The following RNF150 variants were observed in gnomAD, a reference collection of about 807,000 sequenced individuals.
RNF150 encodes the protein ring finger protein 150.
RNF150 carries 24 observed loss-of-function variants against 39.3 expected under a neutral mutation model. The observed-to-expected ratio is 0.61, with a 90% CI of 0.44 to 0.86. RNF150 has a LOEUF of 0.86. Among genes scored for constraint, RNF150 ranks in the 40% least tolerant of loss-of-function variants. The pLI, the probability that RNF150 is intolerant of heterozygous loss-of-function variation, is 0.00. For synonymous variants in RNF150, 255 were observed against 227.3 expected, an observed-to-expected ratio of 1.12 and a Z score of -1.10; for missense variants, 502 against 587.8, an observed-to-expected ratio of 0.85 and a Z score of 1.51.
At chr4:140,940,852 G>A (rs1431795694) in intron 4 of RNF150, among the ~76,000 whole-genome samples, 2 of 152,316 alleles carry the variant, frequency 1.3e-5, no homozygotes, top group East Asian at 1.9e-4. Context: ...CTGCCTATGG[G>A]ATAGCCCTGC....
At chr4:140,929,185 A>G (rs2111328944) in intron 4 of RNF150, among the ~76,000 whole-genome samples, 1 of 151,436 alleles carries the variant, frequency 6.6e-6, no homozygotes, top group African/African-American at 2.4e-5. Flanking sequence ...AAATAAGATG[A>G]TTAATATCCC....
chr4:140,932,897 C>A (rs1351019463), intron 4 of RNF150, among the ~76,000 whole-genome samples: 1 of 152,228 alleles, frequency 6.6e-6, no homozygotes, highest in Admixed American at 6.5e-5. Flanking sequence ...GTCAGCCTGA[C>A]TGCCATGAGT....
intron 1 of RNF150, among the ~76,000 whole-genome samples, chr4:141,097,531 G>C (rs1738840200): frequency 1.6e-5 from 2 of 125,974 alleles, no homozygotes; most frequent in African/African-American, 5.1e-5. Flanking sequence ...ATCAAATAAT[G>C]GTGGGCCTTA....
chr4:141,199,253 A>G (rs10003253), intron 1 of RNF150, among the ~76,000 whole-genome samples: 43,872 of 152,132 alleles, frequency 0.29, 6,758 homozygotes, highest in African/African-American at 0.39. Flanking sequence ...AATTAGAACT[A>G]TCACACATTG....
chr4:140,919,673 C>T (rs1343171696), intron 5 of RNF150, among the ~76,000 whole-genome samples: 92 of 150,250 alleles, frequency 6.1e-4, no homozygotes, highest in Non-Finnish European at 1.2e-3. Flanking sequence ...CTTCACAGAA[C>T]TGGAAAAAAC....
chr4:141,080,806 C>T (rs963168307), intron 1 of RNF150, among the ~76,000 whole-genome samples: 3 of 152,096 alleles, frequency 2.0e-5, no homozygotes, highest in African/African-American at 7.2e-5. Flanking sequence ...CTGCACATGT[C>T]CCCCAGGGAA....
chr4:140,873,416 C>CT (rs143506532), intron 6 of RNF150, among the ~76,000 whole-genome samples: 2,383 of 152,164 alleles, frequency 0.016, 69 homozygotes, highest in African/African-American at 0.052. Flanking sequence ...GGTAATCCCC[C>CT]CAAAGAGCCT....
intron 5 of RNF150, among the ~76,000 whole-genome samples, chr4:140,919,759 A>G (rs1396649437): frequency 6.6e-6 from 1 of 152,194 alleles, no homozygotes; most frequent in African/African-American, 2.4e-5. Context: ...ACAAAGCTGG[A>G]GACATCACGC....
At chr4:140,890,395 T>C (rs528906150) in intron 6 of RNF150, among the ~76,000 whole-genome samples, 2 of 152,218 alleles carry the variant, frequency 1.3e-5, no homozygotes, top group African/African-American at 4.8e-5. Context: ...TTTTTCACTA[T>C]TATAACAATT....
At chr4:140,959,186 T>A (rs1732913010) in intron 2 of RNF150, among the ~76,000 whole-genome samples, 1 of 152,168 alleles carries the variant, frequency 6.6e-6, no homozygotes, top group Non-Finnish European at 1.5e-5. Flanking sequence ...AGACTCTGAT[T>A]CTACTTCGCA....
rs527683648 is a variant in RNF150, at chr4:141,111,981, A to G, written c.484+20344T>C. Among the ~76,000 whole-genome samples, 11 of 152,336 alleles carry G rather than the reference A, an allele frequency of 7.2e-5. No homozygotes were observed. The East Asian group carries it at 1.7e-3, about 24-fold the overall frequency. ...AATGCAAAAGAACTGATTTATTTATAAAACTAAAAATAATATTTAGTGGCA... is the reference window on the plus strand; with the variant it reads ...AATGCAAAAGAACTGATTTATTTATGAAACTAAAAATAATATTTAGTGGCA... On this transcript the variant is annotated intron_variant, in intron 1 of 6. Coordinates refer to ENST00000515673, the MANE Select transcript of RNF150 (RefSeq NM_020724.2).
At chr4:141,190,238 G>A (rs1375297805) in intron 1 of RNF150, among the ~76,000 whole-genome samples, 5 of 152,194 alleles carry the variant, frequency 3.3e-5, no homozygotes, top group South Asian at 2.1e-4. Flanking sequence ...CATTGGTCTC[G>A]CTGGTTGTTG....
intron 4 of RNF150, among the ~76,000 whole-genome samples, chr4:140,928,548 T>C (rs904913261): frequency 6.6e-6 from 1 of 152,188 alleles, no homozygotes; most frequent in Admixed American, 6.5e-5. Flanking sequence ...TGTATCTTTA[T>C]TTCTTTTTCT....
At chr4:141,088,558 G>A (rs1038820863) in intron 1 of RNF150, among the ~76,000 whole-genome samples, 11 of 152,078 alleles carry the variant, frequency 7.2e-5, no homozygotes, top group Admixed American at 2.6e-4. Context: ...GCAATTCAAC[G>A]GGAAATTCAA....
At chr4:140,878,949 G>A (rs1729274764) in intron 6 of RNF150, among the ~76,000 whole-genome samples, 1 of 152,128 alleles carries the variant, frequency 6.6e-6, no homozygotes, top group African/African-American at 2.4e-5. Context: ...TCTAAGATAA[G>A]GGTCCAATTA....
rs376456097 is a variant in RNF150 at position 140,911,267 on chromosome 4, C to T, written c.1075G>A (p.Asp359Asn). 20 of 1,613,966 alleles carry T rather than the reference C, an allele frequency of 1.2e-5. No individual in the cohort carries two copies. Among genetic ancestry groups the T allele is most frequent in the Non-Finnish European group, 1.4e-5 (17 of 1,180,024 alleles). ...ACTGAACTTTCATTCACTGTTGTGT[C>T]GCTGGCACCTGTGATCTGGTTGGTG... ...PPTNQITGAS[D>N]TTVNESSVTL... Residue 359 changes from aspartate to asparagine, a missense_variant, in exon 6 of 7, where the codon GAC (aspartate) becomes AAC (asparagine). Transcript: ENST00000515673.
intron 2 of RNF150, among the ~76,000 whole-genome samples, chr4:140,961,947 A>C (rs1733042792): frequency 6.6e-6 from 1 of 152,042 alleles, no homozygotes; most frequent in Non-Finnish European, 1.5e-5. Context: ...CAACTAATTC[A>C]AGCTTAAGAT....
At chr4:141,188,422 G>C (rs1338139871) in intron 1 of RNF150, among the ~76,000 whole-genome samples, 1 of 152,124 alleles carries the variant, frequency 6.6e-6, no homozygotes, top group Non-Finnish European at 1.5e-5. Context: ...AGTTCTCCTG[G>C]ATAATATCCT....
chr4:141,084,979 C>T (rs6833216), intron 1 of RNF150, among the ~76,000 whole-genome samples: 151,533 of 152,322 alleles, frequency 0.99, 75,378 homozygotes, highest in Middle Eastern at 1. Flanking sequence ...GAGGGTTAGA[C>T]CATAAAAATA....
Sources: gnomAD v4.1 joint callset for allele counts (sites outside exome capture counted in the v4.1 genomes callset) on GRCh38, gnomAD v4.1.1 for gene constraint, MANE v1.5 for transcripts, NCBI Gene and HGNC (gene_info 2026-07-23, HGNC 2026-07-21) for gene names.